Variants in OTUD7A observed in about 807,000 individuals in gnomAD.
OTUD7A encodes the protein OTU domain-containing protein 7A.
In OTUD7A, 12 loss-of-function variants were observed where a neutral mutation model predicts 65.7. The observed-to-expected ratio is 0.18, with a 90% CI of 0.12 to 0.30. The LOEUF is 0.30. OTUD7A is among the 10% of genes least tolerant of loss of function. OTUD7A has a pLI of 1.00. For missense variants in OTUD7A, 1,148 were observed against 1,304.8 expected (o/e 0.88, Z 1.85); for synonymous variants, 641 against 586.3 (o/e 1.09, Z -1.35).
At chr15:31,803,142 C>G (rs1446355059) in intron 1 of OTUD7A, among the ~76,000 whole-genome samples, 1 of 152,076 alleles carries the variant, frequency 6.6e-6, no homozygotes, top group Non-Finnish European at 1.5e-5. Context: ...AATAATCATG[C>G]CCCAGAGAAG....
intron 8 of OTUD7A, among the ~76,000 whole-genome samples, chr15:31,515,700 T>C (rs893135244): frequency 7.0e-6 from 1 of 143,096 alleles, no homozygotes; most frequent in African/African-American, 2.6e-5. Flanking sequence ...CATCCATCCA[T>C]CCATCCATCT....
At chr15:31,812,159 C>A (rs186026979) in intron 1 of OTUD7A, among the ~76,000 whole-genome samples, 24 of 152,270 alleles carry the variant, frequency 1.6e-4, no homozygotes, top group Admixed American at 3.9e-4. Flanking sequence ...AGCCTCAACC[C>A]GTGCATCACA....
At chr15:31,611,422 C>A (rs762287521) in intron 3 of OTUD7A, among the ~76,000 whole-genome samples, 6 of 152,006 alleles carry the variant, frequency 3.9e-5, no homozygotes, top group Non-Finnish European at 8.8e-5. Flanking sequence ...GTAAGATTAA[C>A]CAAGAAAAGA....
At chr15:31,703,910 C>T (rs999208391) in intron 1 of OTUD7A, among the ~76,000 whole-genome samples, 19 of 148,196 alleles carry the variant, frequency 1.3e-4, no homozygotes, top group African/African-American at 4.4e-4. Context: ...TTGATAACCA[C>T]AACAACTTGG....
chr15:31,793,517 T>C (rs1895873251), intron 1 of OTUD7A, among the ~76,000 whole-genome samples: 1 of 152,198 alleles, frequency 6.6e-6, no homozygotes, highest in South Asian at 2.1e-4. Context: ...TTTGTATGTC[T>C]CCTCCTACAA....
chr15:31,632,546 TC>T (rs1359452219), intron 3 of OTUD7A, among the ~76,000 whole-genome samples: 6 of 152,224 alleles, frequency 3.9e-5, no homozygotes, highest in Non-Finnish European at 8.8e-5. Flanking sequence ...TGGGGGTGCC[TC>T]CCAGTTAGGC....
intron 1 of OTUD7A, among the ~76,000 whole-genome samples, chr15:31,709,851 A>T (rs1215720863): frequency 2.0e-5 from 3 of 152,180 alleles, no homozygotes; most frequent in African/African-American, 7.2e-5. Flanking sequence ...ACACACACAC[A>T]AGTGTGTGTG....
At chr15:31,687,009 C>T (rs547419368) in intron 1 of OTUD7A, among the ~76,000 whole-genome samples, 2 of 151,284 alleles carry the variant, frequency 1.3e-5, no homozygotes, top group Non-Finnish European at 2.9e-5. Flanking sequence ...TATATTTTCA[C>T]AAACTGTTTT....
At position 31,484,668 on chromosome 15, in the gene OTUD7A, G is replaced by T. The variant is rs2041208066; in HGVS notation, c.1428C>A (p.Ser476=). 1 of 1,582,524 alleles carries T rather than the reference G, an allele frequency of 6.3e-7. No homozygotes were observed. ...PTASAGEDVQ[S]LADSLDSDRD... is the part of the protein sequence containing the mutation. ...GGTCCGAGTCCAGCGAGTCGGCCAG[G>T]GACTGCACGTCCTCCCCTGCCGAGG... Residue 476 remains serine, a synonymous_variant, in exon 13 of 13, where the codon TCC becomes TCA. Transcript: ENST00000307050. The surrounding 1 kb of genome is among the most constrained non-coding windows in gnomAD (Gnocchi z 4.5).
intron 5 of OTUD7A, among the ~76,000 whole-genome samples, chr15:31,538,627 G>C (rs950627011): frequency 6.6e-6 from 1 of 152,162 alleles, no homozygotes; most frequent in Non-Finnish European, 1.5e-5. Flanking sequence ...TTTGTGGCAA[G>C]CCAATTTTAA....
At chr15:31,590,487 TATC>T (rs1242036219) in intron 3 of OTUD7A, among the ~76,000 whole-genome samples, 3 of 152,358 alleles carry the variant, frequency 2.0e-5, no homozygotes, top group East Asian at 1.9e-4. Context: ...AACACACATA[TATC>T]ATCATTCATC....
chr15:31,522,481 T>A (rs1349967878), intron 8 of OTUD7A, among the ~76,000 whole-genome samples: 1 of 152,220 alleles, frequency 6.6e-6, no homozygotes, highest in Non-Finnish European at 1.5e-5. Context: ...GACACCATAA[T>A]CACGTGAGCC....
chr15:31,757,606 T>C (rs1275678417), intron 1 of OTUD7A, among the ~76,000 whole-genome samples: 1 of 149,426 alleles, frequency 6.7e-6, no homozygotes, highest in Non-Finnish European at 1.5e-5. Flanking sequence ...TCCCATGTAT[T>C]GTATTCCCAT....
chr15:31,495,328 A>C (rs1190436107), intron 10 of OTUD7A, among the ~76,000 whole-genome samples: 1 of 151,980 alleles, frequency 6.6e-6, no homozygotes, highest in Non-Finnish European at 1.5e-5. Context: ...AATCAGCGTT[A>C]CTCAGCTCTC....
intron 1 of OTUD7A, among the ~76,000 whole-genome samples, chr15:31,762,417 A>G (rs1894990830): frequency 6.6e-6 from 1 of 152,218 alleles, no homozygotes. Flanking sequence ...AGCCCTGGCT[A>G]TCTGATCAAA....
At chr15:31,491,130 T>TAA (rs201247315) in intron 10 of OTUD7A, among the ~76,000 whole-genome samples, 23 of 144,638 alleles carry the variant, frequency 1.6e-4, no homozygotes, top group Admixed American at 4.8e-4. Context: ...AAAGGAAAGA[T>TAA]AAAAAAAAAA....
intron 1 of OTUD7A, among the ~76,000 whole-genome samples, chr15:31,735,227 A>C (rs145459939): frequency 2.8e-4 from 43 of 152,308 alleles, no homozygotes; most frequent in Admixed American, 1.0e-3. Flanking sequence ...GGCTTTTATT[A>C]AAAAGTCAAA....
chr15:31,800,174 A>C (rs2140947611), intron 1 of OTUD7A, among the ~76,000 whole-genome samples: 1 of 152,296 alleles, frequency 6.6e-6, no homozygotes, highest in Non-Finnish European at 1.5e-5. Context: ...TCACCCTGGA[A>C]TATGAACACA....
chr15:31,608,906 C>A (rs974382142), intron 3 of OTUD7A, among the ~76,000 whole-genome samples: 5 of 152,202 alleles, frequency 3.3e-5, no homozygotes, highest in Admixed American at 2.6e-4. Context: ...GTAGATGCCC[C>A]AAATACTGGG....
Sources: gnomAD v4.1 joint callset for allele counts (sites outside exome capture counted in the v4.1 genomes callset) on GRCh38, gnomAD v4.1.1 for gene constraint, Gnocchi (gnomAD v3.1) non-coding constraint, MANE v1.5 for transcripts, NCBI Gene and HGNC (gene_info 2026-07-23, HGNC 2026-07-21) for gene names.